EHBP1: variants seen among roughly 807,000 people sequenced by gnomAD.
The protein encoded by EHBP1 is EH domain-binding protein 1.
Under a neutral mutation model 144.0 loss-of-function variants are expected in EHBP1, and 55 were observed. The observed-to-expected ratio is 0.38, with a 90% confidence interval of 0.31 to 0.48. The LOEUF (loss-of-function observed/expected upper bound fraction) is 0.48, where lower values mean the gene tolerates loss of function less well. EHBP1 is among the 20% of genes least tolerant of loss of function. The probability of loss-of-function intolerance (pLI) is 0.98; values close to 1 mark genes in which losing one functional copy is unlikely to be tolerated. For synonymous variants in EHBP1, 469 were observed against 472.7 expected (o/e 0.99, Z 0.10); for missense variants, 1,200 against 1,364.2 (o/e 0.88, Z 1.90).
rs1160703714 is a variant in EHBP1 at position 62,964,054 on chromosome 2, GT to G, written c.2460+8397del. On this transcript the variant is annotated intron_variant, in intron 14 of 22. Transcript: ENST00000431489. ...TTATTCCGTATTATTTTAAATAATA[GT>G]TTATCTATTATGTCTAAATGTAAGT... 2.6e-5 allele frequency among the ~76,000 whole-genome samples: 4 copies of G among 152,228 alleles called. No individual in the cohort carries two copies. The East Asian group carries it at 7.7e-4, about 29-fold the overall frequency.
intron 2 of EHBP1, among the ~76,000 whole-genome samples, chr2:62,730,859 C>G (rs62179268): frequency 3.8e-5 from 5 of 132,868 alleles, no homozygotes; most frequent in Non-Finnish European, 8.2e-5. Context: ...GAGAGACAGA[C>G]AGGCAGACAG....
At chr2:62,816,837 C>A (rs531338334) in intron 5 of EHBP1, among the ~76,000 whole-genome samples, 8 of 152,248 alleles carry the variant, frequency 5.3e-5, no homozygotes, top group Middle Eastern at 3.4e-3. Flanking sequence ...CTTTTCCCCC[C>A]ACATAAACCA....
intron 15 of EHBP1, among the ~76,000 whole-genome samples, chr2:62,989,809 A>G (rs925457017): frequency 6.6e-6 from 1 of 152,244 alleles, no homozygotes; most frequent in East Asian, 1.9e-4. Flanking sequence ...TCATATGTAT[A>G]TAAGTCATAA....
At chr2:62,875,248 CT>C (rs2050797607) in intron 10 of EHBP1, among the ~76,000 whole-genome samples, 1 of 152,230 alleles carries the variant, frequency 6.6e-6, no homozygotes, top group South Asian at 2.1e-4. Context: ...TCAGAGTGAT[CT>C]TGCCAGCAGA....
At chr2:62,758,164 AGTGG>A (rs2040467169) in intron 3 of EHBP1, among the ~76,000 whole-genome samples, 1 of 152,210 alleles carries the variant, frequency 6.6e-6, no homozygotes, top group Non-Finnish European at 1.5e-5. Flanking sequence ...GCTGGAGTGC[AGTGG>A]TGTGATCTCG....
intron 1 of EHBP1, among the ~76,000 whole-genome samples, chr2:62,674,371 C>T (rs1034530770): frequency 6.6e-6 from 1 of 152,238 alleles, no homozygotes; most frequent in African/African-American, 2.4e-5. Flanking sequence ...CCACTAAAAA[C>T]ATGCATGAGC....
chr2:62,967,131 T>A (rs2153158891), intron 14 of EHBP1, among the ~76,000 whole-genome samples: 1 of 152,324 alleles, frequency 6.6e-6, no homozygotes. Context: ...TGTGCATTGA[T>A]CCAGGTCCGC....
intron 19 of EHBP1, among the ~76,000 whole-genome samples, chr2:63,026,634 T>C (rs1289206673): frequency 2.6e-5 from 4 of 152,222 alleles, no homozygotes; most frequent in Admixed American, 6.5e-5. Flanking sequence ...GTATTCTTGC[T>C]TGGCCATTTT....
At chr2:62,831,269 C>A in intron 7 of EHBP1, 111 bp downstream of exon 7, 1 of 1,021,950 alleles carries the variant, frequency 9.8e-7, no homozygotes, top group Non-Finnish European at 1.4e-6. Context: ...CTTTTTTTTT[C>A]TTTAAGCCTT....
chr2:62,859,094 A>G, intron 7 of EHBP1, 75 bp from the exon 8 acceptor site: 1 of 1,378,238 alleles, frequency 7.3e-7, no homozygotes, highest in Middle Eastern at 1.9e-4. Context: ...AACTTTTACC[A>G]TTTGAAATAT....
chr2:62,729,408 A>G (rs1277576384), intron 2 of EHBP1, among the ~76,000 whole-genome samples: 7 of 113,556 alleles, frequency 6.2e-5, no homozygotes, highest in Admixed American at 2.3e-4. Flanking sequence ...TATAATAAAT[A>G]TAATAATAAT....
At chr2:62,947,534 C>A (rs1574187839) in intron 12 of EHBP1, among the ~76,000 whole-genome samples, 1 of 152,208 alleles carries the variant, frequency 6.6e-6, no homozygotes, top group East Asian at 1.9e-4. Context: ...TGCTTCCTAG[C>A]AACACAATGC....
chr2:62,778,565 A>C (rs2042201390), intron 5 of EHBP1, among the ~76,000 whole-genome samples: 1 of 151,516 alleles, frequency 6.6e-6, no homozygotes. Context: ...AAAAAATCCA[A>C]GGCAGTAGTG....
intron 10 of EHBP1, among the ~76,000 whole-genome samples, chr2:62,905,618 A>G (rs974970488): frequency 7.9e-5 from 12 of 152,184 alleles, no homozygotes; most frequent in African/African-American, 2.4e-4. Context: ...TGAATCCAGG[A>G]GTTTGAGACC....
chr2:62,713,586 A>G (rs2035372364), intron 2 of EHBP1, among the ~76,000 whole-genome samples: 1 of 152,172 alleles, frequency 6.6e-6, no homozygotes, highest in Non-Finnish European at 1.5e-5. Context: ...GATGGGGCAG[A>G]AGGTTAGATG....
chr2:62,839,597 C>T (rs1319557025), intron 7 of EHBP1, among the ~76,000 whole-genome samples: 67 of 149,796 alleles, frequency 4.5e-4, no homozygotes, highest in East Asian at 1.6e-3. Context: ...AAAACCCCAT[C>T]GTCTCAGCCC....
intron 5 of EHBP1, among the ~76,000 whole-genome samples, chr2:62,774,541 C>T (rs1447385946): frequency 1.3e-5 from 2 of 152,048 alleles, no homozygotes; most frequent in Non-Finnish European, 2.9e-5. Flanking sequence ...ATAGATGATT[C>T]AGTATTCATT....
intron 7 of EHBP1, among the ~76,000 whole-genome samples, chr2:62,857,979 C>G (rs1428405390): frequency 1.3e-5 from 2 of 151,756 alleles, no homozygotes; most frequent in Admixed American, 1.3e-4. Context: ...CATTTATATT[C>G]TTAAAACTTT....
chr2:62,996,617 T>C, intron 18 of EHBP1, 26 bp from the exon 19 acceptor site: 1 of 1,612,376 alleles, frequency 6.2e-7, no homozygotes, highest in Middle Eastern at 1.7e-4. Flanking sequence ...GATTTTTTTT[T>C]CCTTCCTGTT....
Sources: allele counts gnomAD v4.1 joint callset (sites outside exome capture counted in the v4.1 genomes callset), GRCh38; gene constraint gnomAD v4.1.1; transcripts MANE v1.5; gene names NCBI Gene and HGNC (gene_info 2026-07-23, HGNC 2026-07-21).